PRRG1: variants seen among roughly 807,000 people sequenced by gnomAD.
PRRG1 encodes transmembrane gamma-carboxyglutamic acid protein 1.
PRRG1 carries 5 observed loss-of-function variants against 11.8 expected under a neutral mutation model. That is an observed-to-expected ratio of 0.42 (90% CI 0.22 to 0.89). PRRG1 has a LOEUF of 0.89. Among genes scored for constraint, PRRG1 ranks in the 40% least tolerant of loss-of-function variants. The probability of loss-of-function intolerance (pLI) is 0.28; values close to 1 mark genes in which losing one functional copy is unlikely to be tolerated. For missense variants in PRRG1, 155 were observed against 166.1 expected, an observed-to-expected ratio of 0.93 and a Z score of 0.37; for synonymous variants, 66 against 60.4, an observed-to-expected ratio of 1.09 and a Z score of -0.43.
chrX:37,394,483 T>A lies in PRRG1; in HGVS notation c.-41-11726T>A, dbSNP rs781883979. On this transcript the variant is annotated intron_variant, in intron 1 of 3. Transcript: ENST00000378628. ...TAAGGAGAGTAACCAGGTATTATAG[T>A]CATGTTGTGTCCAAGCACTGTGGTG... Among the ~76,000 whole-genome samples the A allele has an allele frequency of 2.7e-5, 3 of 111,791 alleles. No homozygotes were observed. In the East Asian group the frequency reaches 8.4e-4, roughly 31 times the overall value.
chrX:37,427,258 A>T (rs782640677), intron 3 of PRRG1, among the ~76,000 whole-genome samples: 3 of 112,269 alleles, frequency 2.7e-5, no homozygotes, highest in Non-Finnish European at 5.6e-5. Flanking sequence ...ATACAAGTGA[A>T]TAATATTCTT....
chrX:37,363,341 T>C (rs1218611292), intron 1 of PRRG1, among the ~76,000 whole-genome samples: 1 of 112,132 alleles, frequency 8.9e-6, no homozygotes, highest in African/African-American at 3.2e-5. Context: ...TTTACGAAGA[T>C]AAAATATATA....
At chrX:37,394,174 A>G (rs1052484690) in intron 1 of PRRG1, among the ~76,000 whole-genome samples, 5 of 112,354 alleles carry the variant, frequency 4.5e-5, no homozygotes, top group African/African-American at 1.6e-4. Flanking sequence ...TAATAGATAT[A>G]CAACAAATAC....
chrX:37,427,403 T>C (rs1556388758), intron 3 of PRRG1, among the ~76,000 whole-genome samples: 1 of 112,117 alleles, frequency 8.9e-6, no homozygotes. Flanking sequence ...AACATATCCA[T>C]CACCTCCTAA....
chrX:37,428,328 C>T (rs1932794752), intron 3 of PRRG1, among the ~76,000 whole-genome samples: 2 of 111,538 alleles, frequency 1.8e-5, no homozygotes, highest in African/African-American at 6.5e-5. Flanking sequence ...GTCCCTTCCG[C>T]CTATGAGTGT....
chrX:37,430,051 TGGGATATACAATTCA>T (rs782731260), intron 3 of PRRG1, among the ~76,000 whole-genome samples: 1 of 112,329 alleles, frequency 8.9e-6, no homozygotes, highest in Non-Finnish European at 1.9e-5. Flanking sequence ...GTGGGAATTC[TGGGATATACAATTCA>T]AGATTTGGGT....
chrX:37,362,896 G>A (rs1331633863), intron 1 of PRRG1, among the ~76,000 whole-genome samples: 3 of 111,325 alleles, frequency 2.7e-5, no homozygotes, highest in African/African-American at 9.8e-5. Flanking sequence ...TTTCCTCTGC[G>A]ACCCAAACCC....
intron 1 of PRRG1, among the ~76,000 whole-genome samples, chrX:37,363,382 A>G (rs781797093): frequency 1.8e-5 from 2 of 112,550 alleles, no homozygotes; most frequent in Non-Finnish European, 1.9e-5. Context: ...CATTTCATGC[A>G]TCTAGCATTA....
At chrX:37,398,775 G>A (rs1556379138) in intron 1 of PRRG1, among the ~76,000 whole-genome samples, 2 of 111,603 alleles carry the variant, frequency 1.8e-5, no homozygotes, top group South Asian at 7.7e-4. Flanking sequence ...CCAATACAGA[G>A]AAGTGCTTAA....
chrX:37,404,993 T>G (rs1275468583), intron 1 of PRRG1, among the ~76,000 whole-genome samples: 1 of 112,034 alleles, frequency 8.9e-6, no homozygotes, highest in African/African-American at 3.2e-5. Flanking sequence ...AAGGACTGTA[T>G]AGCTAAATAT....
chrX:37,404,052 G>A (rs1462101262), intron 1 of PRRG1, among the ~76,000 whole-genome samples: 3 of 112,259 alleles, frequency 2.7e-5, no homozygotes, highest in African/African-American at 6.5e-5. Flanking sequence ...CCTGGCCCAT[G>A]CCTGACAGCT....
chrX:37,431,751 G>A (rs1258448784), intron 3 of PRRG1, among the ~76,000 whole-genome samples: 1 of 111,297 alleles, frequency 9.0e-6, no homozygotes, highest in Non-Finnish European at 1.9e-5. Context: ...TTCTCAGTGT[G>A]AACAATGTTT....
chrX:37,413,136 T>C (rs193279832), intron 2 of PRRG1, among the ~76,000 whole-genome samples: 1 of 111,611 alleles, frequency 9.0e-6, no homozygotes, highest in East Asian at 2.8e-4. Context: ...TGAGATTACA[T>C]TGACATGTCA....
At chrX:37,421,862 T>C (rs1451385937) in intron 2 of PRRG1, among the ~76,000 whole-genome samples, 1 of 112,255 alleles carries the variant, frequency 8.9e-6, no homozygotes, top group Admixed American at 9.4e-5. Flanking sequence ...TAATCTATAA[T>C]AGTATCTTTC....
In PRRG1 at chrX:37,455,185, A is replaced by G. The variant is rs1272515648; in HGVS notation, c.*1564A>G. 2 of 111,569 alleles carry G rather than the reference A, an allele frequency of 1.8e-5. No homozygotes were observed. The highest frequency in any genetic ancestry group is 3.3e-5 in the African/African-American group (1 of 30,661). 9.2% of individuals were successfully genotyped at this position (111,569 alleles called of 1,213,427 possible). A position where few individuals can be genotyped will look rare whatever the true frequency, so the allele number is the denominator to read the frequency against. On this transcript the variant is annotated 3_prime_UTR_variant, in exon 4 of 4. Transcript: ENST00000378628. ...ATGACCTGAACTCAGATCTCCCTCT[A>G]TCACATGCTTGCCACCACTGTACCT... is the stretch of plus-strand genomic sequence containing the variant.
intron 3 of PRRG1, among the ~76,000 whole-genome samples, chrX:37,452,595 C>G (rs1921184793): frequency 8.9e-6 from 1 of 111,773 alleles, no homozygotes; most frequent in African/African-American, 3.3e-5. Flanking sequence ...GTGTACTAAA[C>G]TTTGGGGTTG....
rs1921383344 is a variant in PRRG1 at position 37,457,043 on chromosome X, A to G, written c.*3422A>G. On this transcript the variant is annotated 3_prime_UTR_variant, in exon 4 of 4. Coordinates refer to ENST00000378628, the MANE Select transcript of PRRG1 (RefSeq NM_001142395.2). The stretch of plus-strand genomic sequence containing the variant: ...CTTCTTTTCCTATTGACCAGTACAG[A>G]TAGATATGTTGTGTTTGCTTCATTT... 8.9e-6 allele frequency: 1 copy of G among 112,235 alleles called. No homozygotes were observed. Among genetic ancestry groups the G allele is most frequent in the South Asian group, 3.7e-4 (1 of 2,711 alleles). The allele number at this position is 112,235 out of a possible 1,213,427, so 9.2% of individuals were successfully genotyped here. A position where few individuals can be genotyped will look rare whatever the true frequency, so the allele number is the denominator to read the frequency against.
intron 1 of PRRG1, among the ~76,000 whole-genome samples, chrX:37,350,994 G>A (rs1569432399): frequency 9.0e-6 from 1 of 110,842 alleles, no homozygotes; most frequent in Non-Finnish European, 1.9e-5. Flanking sequence ...GACTTAGCCT[G>A]ATTCACTTCT....
At position 37,382,424 on chromosome X, in the gene PRRG1, T is replaced by A. The variant is rs782096152; in HGVS notation, c.-41-23785T>A. Among the ~76,000 whole-genome samples the A allele has an allele frequency of 4.3e-4, 48 of 111,361 alleles. No individual in the cohort carries two copies. In the East Asian group the frequency reaches 0.012, roughly 28 times the overall value. On this transcript the variant is annotated intron_variant, in intron 1 of 3. Coordinates refer to ENST00000378628, the MANE Select transcript of PRRG1 (RefSeq NM_001142395.2). The stretch of plus-strand genomic sequence containing the variant: ...GTACTAAGATATACACAGCTATGTG[T>A]ATATCTTGCAGCTATAGATATATAT...
Sources: allele counts gnomAD v4.1 joint callset (sites outside exome capture counted in the v4.1 genomes callset), GRCh38; gene constraint gnomAD v4.1.1; transcripts MANE v1.5; gene names NCBI Gene and HGNC (gene_info 2026-07-23, HGNC 2026-07-21).